CNTNAP2: variants seen among roughly 807,000 people sequenced by gnomAD.
CNTNAP2 encodes the protein contactin-associated protein-like 2.
A neutral mutation model predicts 155.2 loss-of-function variants in CNTNAP2; 98 were observed. The ratio of observed to expected loss-of-function variants is 0.63; its 90% confidence interval spans 0.54 to 0.75. The LOEUF (loss-of-function observed/expected upper bound fraction) is 0.75. Ranked by LOEUF, CNTNAP2 falls within the 30% of genes least tolerant of loss-of-function variation. The probability of loss-of-function intolerance (pLI) is 0.00; values close to 1 mark genes in which losing one functional copy is unlikely to be tolerated. For missense variants in CNTNAP2, 1,727 were observed against 1,688.1 expected (o/e 1.02, Z -0.40); for synonymous variants, 651 against 631.2 (o/e 1.03, Z -0.47).
chr7:148,341,460 C>G (rs1298086599), intron 21 of CNTNAP2, among the ~76,000 whole-genome samples: 4 of 152,094 alleles, frequency 2.6e-5, no homozygotes, highest in Non-Finnish European at 4.4e-5. Context: ...TTACTATTAA[C>G]TATAATAATT....
intron 10 of CNTNAP2, among the ~76,000 whole-genome samples, chr7:147,439,155 C>G: frequency 6.6e-6 from 1 of 151,818 alleles, no homozygotes; most frequent in Non-Finnish European, 1.5e-5. Context: ...TCCTGCTTTT[C>G]CAGTTCTTTA....
intron 22 of CNTNAP2, among the ~76,000 whole-genome samples, chr7:148,401,669 G>T (rs1264292668): frequency 1.3e-5 from 2 of 151,894 alleles, no homozygotes; most frequent in Admixed American, 6.6e-5. Flanking sequence ...CACAATCTCG[G>T]CTCACTGCAA....
At chr7:146,407,999 A>G (rs1254973833) in intron 1 of CNTNAP2, among the ~76,000 whole-genome samples, 1 of 152,178 alleles carries the variant, frequency 6.6e-6, no homozygotes, top group Non-Finnish European at 1.5e-5. Flanking sequence ...AAAAAATGTT[A>G]ACAGACTATT....
intron 1 of CNTNAP2, among the ~76,000 whole-genome samples, chr7:146,424,631 C>A (rs1256197515): frequency 6.6e-6 from 1 of 152,162 alleles, no homozygotes; most frequent in Non-Finnish European, 1.5e-5. Flanking sequence ...CTCCTATTAT[C>A]ATTTAGAGAA....
At chr7:147,573,048 A>T (rs1201794813) in intron 12 of CNTNAP2, among the ~76,000 whole-genome samples, 1 of 152,172 alleles carries the variant, frequency 6.6e-6, no homozygotes, top group African/African-American at 2.4e-5. Flanking sequence ...GTTAAATAGT[A>T]AATTGCACCA....
chr7:147,401,325 A>G (rs765023618), intron 10 of CNTNAP2, among the ~76,000 whole-genome samples: 1 of 152,230 alleles, frequency 6.6e-6, no homozygotes, highest in African/African-American at 2.4e-5. Context: ...TTATGAATAG[A>G]CTAGATCCTA....
At chr7:148,061,738 A>G (rs1563185117) in intron 15 of CNTNAP2, among the ~76,000 whole-genome samples, 1 of 152,060 alleles carries the variant, frequency 6.6e-6, no homozygotes, top group Non-Finnish European at 1.5e-5. Flanking sequence ...ACAAATATAA[A>G]TCATCTATTC....
At chr7:148,106,602 C>A (rs1804229499) in intron 15 of CNTNAP2, among the ~76,000 whole-genome samples, 1 of 151,158 alleles carries the variant, frequency 6.6e-6, no homozygotes, top group African/African-American at 2.4e-5. Flanking sequence ...CTCAAGCAAT[C>A]CACCGGCTTC....
At chr7:146,235,981 C>CGT (rs1799467738) in intron 1 of CNTNAP2, among the ~76,000 whole-genome samples, 2 of 132,686 alleles carry the variant, frequency 1.5e-5, no homozygotes, top group Non-Finnish European at 3.3e-5. Flanking sequence ...TGTGTGTGTG[C>CGT]GCGCGTATTT....
intron 1 of CNTNAP2, among the ~76,000 whole-genome samples, chr7:146,314,236 C>T (rs1196869809): frequency 6.6e-6 from 1 of 152,144 alleles, no homozygotes; most frequent in African/African-American, 2.4e-5. Context: ...CCTCCTTAAT[C>T]AGCCCAGTCA....
At chr7:147,084,307 A>G (rs1478403916) in intron 4 of CNTNAP2, among the ~76,000 whole-genome samples, 1 of 37,056 alleles carries the variant, frequency 2.7e-5, no homozygotes, top group African/African-American at 1.4e-4. Flanking sequence ...ATATGTATAT[A>G]TAATCCATAT....
Position 147,509,417 on chromosome 7 carries a change from C to T in CNTNAP2, c.1777+23376C>T, listed in dbSNP as rs113967990. On this transcript the variant is annotated intron_variant, in intron 11 of 23. Transcript: ENST00000361727. The stretch of plus-strand genomic sequence containing the variant: ...ATAATGAATGGAAATTCCATATATC[C>T]AGCCTGACACTCCCGAAATTACTTA... Among the ~76,000 whole-genome samples, 3 of 152,246 alleles carry T rather than the reference C, an allele frequency of 2.0e-5. 1 individual carries two copies. Among genetic ancestry groups the T allele is most frequent in the African/African-American group, 7.2e-5 (3 of 41,544 alleles).
chr7:147,304,321 AT>A (rs1187175400), intron 9 of CNTNAP2, among the ~76,000 whole-genome samples: 1 of 152,078 alleles, frequency 6.6e-6, no homozygotes, highest in Non-Finnish European at 1.5e-5. Context: ...TCCAACTAGA[AT>A]TTTTTTAGAT....
intron 23 of CNTNAP2, among the ~76,000 whole-genome samples, chr7:148,411,776 C>G (rs1392798966): frequency 9.2e-6 from 1 of 108,584 alleles, no homozygotes; most frequent in Non-Finnish European, 1.9e-5. Flanking sequence ...ATTCCAAGAC[C>G]ATTTGTTGAA....
intron 10 of CNTNAP2, among the ~76,000 whole-genome samples, chr7:147,412,490 A>G (rs1325875462): frequency 6.6e-6 from 1 of 152,168 alleles, no homozygotes; most frequent in Non-Finnish European, 1.5e-5. Context: ...TTATAATCAC[A>G]CATTCAAGAC....
intron 1 of CNTNAP2, among the ~76,000 whole-genome samples, chr7:146,286,471 CT>C (rs1800338799): frequency 6.6e-6 from 1 of 152,040 alleles, no homozygotes; most frequent in Non-Finnish European, 1.5e-5. Context: ...ACCAGTCTAC[CT>C]TTTTTTGTTG....
At chr7:147,792,303 C>A (rs899373145) in intron 13 of CNTNAP2, among the ~76,000 whole-genome samples, 18 of 152,252 alleles carry the variant, frequency 1.2e-4, no homozygotes, top group Admixed American at 5.2e-4. Flanking sequence ...GTTTCAGTAA[C>A]CGAAAAGAAA....
chr7:146,960,828 T>C (rs1797543398), intron 3 of CNTNAP2, among the ~76,000 whole-genome samples: 1 of 152,194 alleles, frequency 6.6e-6, no homozygotes, highest in East Asian at 1.9e-4. Context: ...AGCCCAGTTA[T>C]AAACATACTG....
chr7:146,311,998 C>T (rs1235159220), intron 1 of CNTNAP2, among the ~76,000 whole-genome samples: 1 of 152,024 alleles, frequency 6.6e-6, no homozygotes, highest in East Asian at 1.9e-4. Context: ...GTATTATCTG[C>T]TTTAAGTTTT....
Sources: allele counts gnomAD v4.1 joint callset (sites outside exome capture counted in the v4.1 genomes callset), GRCh38; gene constraint gnomAD v4.1.1; transcripts MANE v1.5; gene names NCBI Gene and HGNC (gene_info 2026-07-23, HGNC 2026-07-21).